The following LETM1 variants were observed in gnomAD, a reference collection of about 807,000 sequenced individuals.
The protein encoded by LETM1 is leucine zipper and EF-hand containing transmembrane protein 1, also known as mitochondrial proton/calcium exchanger protein.
A neutral mutation model predicts 74.5 loss-of-function variants in LETM1; 50 were observed. The observed-to-expected ratio is 0.67, with a 90% CI of 0.53 to 0.85. The LOEUF is 0.85. LETM1 is among the 40% of genes least tolerant of loss of function. The pLI is 0.00. For missense variants in LETM1, 824 were observed against 967.8 expected (o/e 0.85, Z 1.97); for synonymous variants, 446 against 407.1 (o/e 1.10, Z -1.15).
chr4:1,827,267 GAC>G (rs1024174320), intron 6 of LETM1, among the ~76,000 whole-genome samples: 27 of 142,962 alleles, frequency 1.9e-4, no homozygotes, highest in African/African-American at 7.0e-4. Flanking sequence ...ATCCTGGATT[GAC>G]AGTTCTTTTT....
At chr4:1,821,470 C>A (rs541868224) in intron 10 of LETM1, among the ~76,000 whole-genome samples, 2 of 151,548 alleles carry the variant, frequency 1.3e-5, no homozygotes, top group Non-Finnish European at 2.9e-5. Context: ...GGGAAGATCA[C>A]TTGAGGTCAG....
rs1435146268 is a variant in LETM1 at position 1,814,122 on chromosome 4, G to T, written c.*302C>A. The T allele has an allele frequency of 2.7e-5, 11 of 411,678 alleles. No homozygotes were observed. Among genetic ancestry groups the T allele is most frequent in the Non-Finnish European group, 5.0e-5 (11 of 219,534 alleles). The allele number at this position is 411,678 out of a possible 1,614,324, so 25.5% of individuals were successfully genotyped here. A position where few individuals can be genotyped will look rare whatever the true frequency, so the allele number is the denominator to read the frequency against. Reference sequence around the variant, plus strand: ...AGCACAGTCAGATGCTGAGACTGAGGCCACACACATGGGGGCGCCTTCCTG... The same window carrying T: ...AGCACAGTCAGATGCTGAGACTGAGTCCACACACATGGGGGCGCCTTCCTG... On this transcript the variant is annotated 3_prime_UTR_variant, in exon 14 of 14. Transcript: ENST00000302787.
rs752117226 is a variant in LETM1 at position 1,822,188 on chromosome 4, C to T, written c.1601G>A (p.Gly534Asp). ...CAGAACCTGCCTCATTACCTTCAAG[C>T]CCTCCAGCACCGGGGCAGTGTCCTT... Reference protein sequence around the residue: ...TLKDTAPVLEGLKEEEITKEE... With the variant: ...TLKDTAPVLEDLKEEEITKEE... Residue 534 changes from glycine (G) to aspartate (D), a missense_variant, in exon 10 of 14, where the codon GGC (glycine) becomes GAC (aspartate). By Grantham distance (94) the Gly-to-Asp change is moderately conservative (BLOSUM62 -1). Transcript: ENST00000302787. 1.4e-6 allele frequency: 2 copies of T among 1,428,340 alleles called. No individual in the cohort carries two copies. Among genetic ancestry groups the T allele is most frequent in the South Asian group, 1.6e-5 (1 of 63,022 alleles). 88.5% of individuals were successfully genotyped at this position (1,428,340 alleles called of 1,614,324 possible).
At chr4:1,840,721 G>A (rs1044073371) in intron 3 of LETM1, among the ~76,000 whole-genome samples, 6 of 150,856 alleles carry the variant, frequency 4.0e-5, no homozygotes, top group African/African-American at 4.9e-5. Flanking sequence ...AAAAAAAAAC[G>A]AAGCGGGGGT....
intron 6 of LETM1, among the ~76,000 whole-genome samples, chr4:1,828,320 A>G (rs1417459047): frequency 3.3e-3 from 166 of 50,014 alleles, no homozygotes; most frequent in East Asian, 5.8e-3. Flanking sequence ...CTGGCCGGGC[A>G]GGGGGGCTGA....
chr4:1,855,540 G>T (rs1477235020), intron 1 of LETM1, among the ~76,000 whole-genome samples: 1 of 152,254 alleles, frequency 6.6e-6, no homozygotes, highest in Non-Finnish European at 1.5e-5. Flanking sequence ...GGCCGTCCTC[G>T]TGCGTGGACA....
At chr4:1,831,293 T>C (rs1227867450) in intron 6 of LETM1, among the ~76,000 whole-genome samples, 1 of 152,212 alleles carries the variant, frequency 6.6e-6, no homozygotes. Flanking sequence ...TCGTAAGAAG[T>C]GCAGGCTCCC....
chr4:1,838,882 A>G (rs1257277780), intron 3 of LETM1, among the ~76,000 whole-genome samples: 5 of 152,152 alleles, frequency 3.3e-5, no homozygotes, highest in African/African-American at 1.2e-4. Flanking sequence ...GAAGCAAACA[A>G]TATCTGTGCT....
intron 9 of LETM1, chr4:1,822,707 G>T (rs990800766): frequency 8.2e-6 from 3 of 367,230 alleles, no homozygotes; most frequent in Non-Finnish European, 1.4e-5. Context: ...GCAAGTCCCT[G>T]AGGAGAGGGT....
intron 2 of LETM1, among the ~76,000 whole-genome samples, chr4:1,845,192 G>A (rs570560097): frequency 5.9e-5 from 9 of 151,998 alleles, no homozygotes; most frequent in Non-Finnish European, 1.3e-4. Flanking sequence ...TCTGTCCCCC[G>A]CACCCCCCGA....
chr4:1,855,871 C>G lies in LETM1; in HGVS notation c.80G>C (p.Arg27Pro). Residue 27 changes from arginine to proline, a missense_variant and splice_region_variant, in exon 1 of 14, where the codon CGG becomes CCG. Arg to Pro is a moderately radical substitution (Grantham distance 103). This residue lies in a region of LETM1 where 222 missense variants were observed against 195.6 expected (regional missense o/e 1.14). Coordinates refer to ENST00000302787, the MANE Select transcript of LETM1 (RefSeq NM_012318.3). Reference sequence around the variant, plus strand: ...GCCCTGGGGTGCCCGCCGCTTACCCCGCGGGACGGTGTACCGAGGCGGCGG... The same window carrying G: ...GCCCTGGGGTGCCCGCCGCTTACCCGGCGGGACGGTGTACCGAGGCGGCGG... ...LPPPPRYTVP[R>P]GSPGDPAHLS... The G allele has an allele frequency of 8.1e-7, 1 of 1,234,646 alleles. No homozygotes were observed. Among genetic ancestry groups the G allele is most frequent in the African/African-American group, 1.6e-5 (1 of 63,606 alleles). 76.5% of individuals were successfully genotyped at this position (1,234,646 alleles called of 1,614,324 possible). A position where few individuals can be genotyped will look rare whatever the true frequency, so the allele number is the denominator to read the frequency against.
chr4:1,836,574 T>C lies in LETM1; in HGVS notation c.595-2A>G, dbSNP rs1712469246. 6.2e-7 allele frequency: 1 copy of C among 1,613,114 alleles called. No individual in the cohort carries two copies. The highest frequency in any genetic ancestry group is 1.1e-5 in the South Asian group (1 of 91,036). On this transcript the variant is annotated splice_acceptor_variant, in intron 3 of 13. Transcript: ENST00000302787. LOFTEE classifies it high-confidence loss of function. This position sits in a 1 kb window ranked among gnomAD's most constrained non-coding sequence, Gnocchi z 5.8. ...GAGGTCAGCGCAGATCCGGAGAAAC[T>C]GGAAGGGGCGGAATCCATCAGAGGG...
At chr4:1,850,578 G>C (rs1395361898) in intron 1 of LETM1, among the ~76,000 whole-genome samples, 1 of 149,374 alleles carries the variant, frequency 6.7e-6, no homozygotes, top group Non-Finnish European at 1.5e-5. Context: ...GGGAGGCGGA[G>C]CTTGCAGTGA....
chr4:1,839,582 T>A (rs1712614097), intron 3 of LETM1, among the ~76,000 whole-genome samples: 1 of 152,262 alleles, frequency 6.6e-6, no homozygotes, highest in Non-Finnish European at 1.5e-5. Flanking sequence ...TGACAGGTAT[T>A]GGTTCCTGGC....
Position 1,814,284 on chromosome 4 carries a change from T to C in LETM1, c.*140A>G, listed in dbSNP as rs372837030. The C allele has an allele frequency of 1.5e-6, 2 of 1,307,618 alleles. No individual in the cohort carries two copies. Among genetic ancestry groups the C allele is most frequent in the Non-Finnish European group, 2.1e-6 (2 of 941,834 alleles). The allele number at this position is 1,307,618 out of a possible 1,614,324, so 81.0% of individuals were successfully genotyped here. A position where few individuals can be genotyped will look rare whatever the true frequency, so the allele number is the denominator to read the frequency against. ...CTCCGTGGAATGATGAAAATTAAAA[T>C]TTACTTGATTATGGAAGTCTCTGAT... is the stretch of plus-strand genomic sequence containing the variant. On this transcript the variant is annotated 3_prime_UTR_variant, in exon 14 of 14. Transcript: ENST00000302787.
chr4:1,826,506 C>T (rs1480782229), intron 6 of LETM1, among the ~76,000 whole-genome samples: 2 of 152,252 alleles, frequency 1.3e-5, no homozygotes, highest in Non-Finnish European at 2.9e-5. Flanking sequence ...CCTTCCCCAG[C>T]TCCCGGTGCT....
intron 12 of LETM1, 22 bp downstream of exon 12, chr4:1,816,705 C>G: frequency 6.2e-7 from 1 of 1,608,234 alleles, no homozygotes; most frequent in Admixed American, 1.7e-5. Context: ...GATCCCTCTC[C>G]CGCGCCCACC....
chr4:1,829,115 C>T (rs1355792589), intron 6 of LETM1, among the ~76,000 whole-genome samples: 2 of 119,338 alleles, frequency 1.7e-5, no homozygotes, highest in South Asian at 2.8e-4. Flanking sequence ...TAGGGGCGGC[C>T]GGGCAGAGGC....
intron 1 of LETM1, among the ~76,000 whole-genome samples, chr4:1,852,414 T>G (rs1450045429): frequency 6.6e-6 from 1 of 152,142 alleles, no homozygotes; most frequent in East Asian, 1.9e-4. Flanking sequence ...CTCACCAGCC[T>G]CCTCACCCAG....
Sources: allele counts gnomAD v4.1 joint callset (sites outside exome capture counted in the v4.1 genomes callset), GRCh38; gene constraint gnomAD v4.1.1; regional missense constraint gnomAD v4.1.1; non-coding constraint Gnocchi (gnomAD v3.1); transcripts MANE v1.5; gene names NCBI Gene and HGNC (gene_info 2026-07-23, HGNC 2026-07-21).